Variants in MRPS35 observed in about 807,000 individuals in gnomAD.
MRPS35 encodes the protein mitochondrial ribosomal protein S35.
MRPS35 carries 29 observed loss-of-function variants against 32.7 expected under a neutral mutation model. That is an observed-to-expected ratio of 0.89 (90% CI 0.66 to 1.21). The LOEUF (loss-of-function observed/expected upper bound fraction) is 1.21. MRPS35 is among the 50% of genes most tolerant of loss of function. MRPS35 has a pLI of 0.00. For synonymous variants in MRPS35, 148 were observed against 139.3 expected (o/e 1.06, Z -0.44); for missense variants, 373 against 383.8 (o/e 0.97, Z 0.23).
intron 2 of MRPS35, 121 bp downstream of exon 2, chr12:27,714,941 T>C (rs2140752039): frequency 1.3e-6 from 1 of 792,828 alleles, no homozygotes; most frequent in Non-Finnish European, 2.1e-6. Context: ...GTTTACTGGG[T>C]GATTGCCATA....
intron 7 of MRPS35, among the ~76,000 whole-genome samples, chr12:27,744,784 A>G (rs1235478114): frequency 6.6e-6 from 1 of 152,206 alleles, no homozygotes; most frequent in Non-Finnish European, 1.5e-5. Flanking sequence ...ACTTGATTTC[A>G]GACAAATACA....
At position 27,735,550 on chromosome 12, in the gene MRPS35, CAGAT is replaced by C. The variant is rs1332147130; in HGVS notation, c.629_632del (p.Asp210GlyfsTer4). On this transcript the variant is annotated frameshift_variant and splice_region_variant, in exon 6 of 8. Coordinates refer to ENST00000081029, the MANE Select transcript of MRPS35 (RefSeq NM_021821.4). LOFTEE classifies it high-confidence loss of function. ...ACCACAGATGTGCTTACCATCAAAA[CAGAT>C]AGGTAATGGAAAAAATGTTCAGCCG... The C allele has an allele frequency of 1.2e-6, 2 of 1,607,494 alleles. No individual in the cohort carries two copies. The highest frequency in any genetic ancestry group is 8.5e-7 in the Non-Finnish European group (1 of 1,176,506).
At chr12:27,725,950 A>G (rs2061898231) in intron 5 of MRPS35, among the ~76,000 whole-genome samples, 1 of 151,816 alleles carries the variant, frequency 6.6e-6, no homozygotes, top group Non-Finnish European at 1.5e-5. Context: ...CTGGAACTGC[A>G]GGAGTGTGCC....
chr12:27,715,260 C>T (rs1034519500), intron 2 of MRPS35, among the ~76,000 whole-genome samples: 1 of 152,158 alleles, frequency 6.6e-6, no homozygotes, highest in African/African-American at 2.4e-5. Flanking sequence ...CTCAGCCTCC[C>T]AAGTAGCTGG....
intron 6 of MRPS35, among the ~76,000 whole-genome samples, chr12:27,736,354 C>T (rs2140772348): frequency 6.6e-6 from 1 of 152,202 alleles, no homozygotes; most frequent in African/African-American, 2.4e-5. Context: ...GTGATTATTA[C>T]CATATGGGAG....
At chr12:27,723,719 T>G (rs2061886726) in intron 4 of MRPS35, among the ~76,000 whole-genome samples, 1 of 152,222 alleles carries the variant, frequency 6.6e-6, no homozygotes, top group South Asian at 2.1e-4. Context: ...TGCTTTTAGT[T>G]GGTACAGAGG....
rs1025728344 is a variant in MRPS35, at chr12:27,716,355, C to T, written c.218C>T (p.Ala73Val). Residue 73 changes from alanine to valine, a missense_variant, in exon 3 of 8, where the codon GCA becomes GTA. Physicochemically the swap from Ala to Val is moderately conservative, Grantham distance 64 (BLOSUM62 0). Coordinates refer to ENST00000081029, the MANE Select transcript of MRPS35 (RefSeq NM_021821.4). ...GACTGGCCTAGTGTTTACCCAGTTG[C>T]AGCACCATTTAAACCCTCTGCAGTA... ...DQDWPSVYPV[A>V]APFKPSAVPL... 22 of 1,614,154 alleles carry T rather than the reference C, an allele frequency of 1.4e-5. No individual in the cohort carries two copies. The highest frequency in any genetic ancestry group is 1.7e-5 in the Non-Finnish European group (20 of 1,180,020).
chr12:27,720,157 C>T (rs760720555), intron 4 of MRPS35, among the ~76,000 whole-genome samples: 3 of 151,872 alleles, frequency 2.0e-5, no homozygotes, highest in African/African-American at 4.8e-5. Flanking sequence ...TTTGGAAGGC[C>T]GAGGCGGGCA....
chr12:27,712,630 CA>C (rs2061832751), intron 1 of MRPS35, among the ~76,000 whole-genome samples: 5 of 151,994 alleles, frequency 3.3e-5, no homozygotes. Flanking sequence ...GGACAAGTCT[CA>C]AAAAAATCCT....
At chr12:27,738,688 T>C (rs2061951870) in intron 7 of MRPS35, among the ~76,000 whole-genome samples, 1 of 152,106 alleles carries the variant, frequency 6.6e-6, no homozygotes, top group Admixed American at 6.6e-5. Flanking sequence ...ACTAGGAACA[T>C]TCAAAGGAAT....
chr12:27,750,329 A>G (rs2061996865), intron 7 of MRPS35, among the ~76,000 whole-genome samples: 1 of 152,206 alleles, frequency 6.6e-6, no homozygotes, highest in Admixed American at 6.5e-5. Flanking sequence ...TTTCTTATCT[A>G]TGTAATTCTT....
At chr12:27,726,168 C>T (rs1400457282) in intron 5 of MRPS35, among the ~76,000 whole-genome samples, 1 of 151,920 alleles carries the variant, frequency 6.6e-6, no homozygotes. Flanking sequence ...ATAGAATTCC[C>T]CCCTTAACCA....
At chr12:27,745,221 G>A (rs1340862625) in intron 7 of MRPS35, among the ~76,000 whole-genome samples, 1 of 152,116 alleles carries the variant, frequency 6.6e-6, no homozygotes, top group African/African-American at 2.4e-5. Context: ...TAACTTTGAA[G>A]GTGAAGAATC....
At chr12:27,721,957 C>T (rs1449104441) in intron 4 of MRPS35, among the ~76,000 whole-genome samples, 1 of 151,976 alleles carries the variant, frequency 6.6e-6, no homozygotes, top group Admixed American at 6.6e-5. Flanking sequence ...GGTGTGATGG[C>T]GCATGCCTGT....
intron 5 of MRPS35, 96 bp downstream of exon 5, chr12:27,724,282 T>G: frequency 8.5e-7 from 1 of 1,170,416 alleles, no homozygotes; most frequent in South Asian, 2.2e-5. Context: ...CTCATGCCTG[T>G]AATCCCAGCA....
At chr12:27,721,897 A>T (rs1209943663) in intron 4 of MRPS35, among the ~76,000 whole-genome samples, 1 of 152,138 alleles carries the variant, frequency 6.6e-6, no homozygotes, top group African/African-American at 2.4e-5. Flanking sequence ...GACCATCCTG[A>T]GCAACATAGT....
chr12:27,710,882 G>C lies in MRPS35; in HGVS notation c.39G>C (p.Gln13His), dbSNP rs2061816362. 1.2e-6 allele frequency: 2 copies of C among 1,612,044 alleles called. No homozygotes were observed. Among genetic ancestry groups the C allele is most frequent in the African/African-American group, 1.3e-5 (1 of 75,044 alleles). ...AAALPAWLSL[Q>H]SRARTLRAFS... ...CGCTCCCAGCATGGCTGTCTCTGCA[G>C]TCGAGGGCAAGGACTCTGCGTGCAT... is the stretch of plus-strand genomic sequence containing the variant. The change falls in exon 1 of 8, where the codon CAG becomes CAC. Residue 13 changes from glutamine (Q) to histidine (H), a missense_variant. Coordinates refer to ENST00000081029, the MANE Select transcript of MRPS35 (RefSeq NM_021821.4).
chr12:27,738,932 A>T (rs1488377471), intron 7 of MRPS35, among the ~76,000 whole-genome samples: 3 of 137,348 alleles, frequency 2.2e-5, no homozygotes, highest in African/African-American at 3.2e-5. Flanking sequence ...TTTTTTTTTT[A>T]AAGTCTCACT....
intron 7 of MRPS35, among the ~76,000 whole-genome samples, chr12:27,740,691 C>G (rs1314032206): frequency 2.0e-5 from 3 of 152,148 alleles, no homozygotes; most frequent in Non-Finnish European, 4.4e-5. Context: ...CACCTAGACT[C>G]CAGTAGAAGG....
Sources: allele counts gnomAD v4.1 joint callset (sites outside exome capture counted in the v4.1 genomes callset), GRCh38; gene constraint gnomAD v4.1.1; transcripts MANE v1.5; gene names NCBI Gene and HGNC (gene_info 2026-07-23, HGNC 2026-07-21).